The following OLFML1 variants were observed in gnomAD, a reference collection of about 807,000 sequenced individuals.
The protein encoded by OLFML1 is olfactomedin like 1.
Under a neutral mutation model 37.3 loss-of-function variants are expected in OLFML1, and 33 were observed. That is an observed-to-expected ratio of 0.88 (90% CI 0.67 to 1.18). The LOEUF (loss-of-function observed/expected upper bound fraction) is 1.18, where lower values mean the gene tolerates loss of function less well. OLFML1 is among the 50% of genes most tolerant of loss of function. OLFML1 has a pLI of 0.00. For synonymous variants in OLFML1, 186 were observed against 181.3 expected (o/e 1.03, Z -0.21); for missense variants, 545 against 483.7 (o/e 1.13, Z -1.19).
chr11:7,508,801 C>G (rs1273423717), intron 2 of OLFML1, among the ~76,000 whole-genome samples: 3 of 152,180 alleles, frequency 2.0e-5, no homozygotes, highest in Non-Finnish European at 2.9e-5. Flanking sequence ...ATCCTCAATA[C>G]TTAGCACCAT....
rs1347820301 is a variant in OLFML1 at position 7,511,135 on chromosome 11, C to T, written c.*947C>T. On this transcript the variant is annotated 3_prime_UTR_variant, in exon 3 of 3. Transcript: ENST00000329293. ...CTACTCTTATAGTCAATGCGTTCAT[C>T]GTTTCAGCCTAAAAATAATAGTCTG... The T allele has an allele frequency of 2.0e-5, 3 of 152,216 alleles. No individual in the cohort carries two copies. Among genetic ancestry groups the T allele is most frequent in the South Asian group, 2.1e-4 (1 of 4,832 alleles). The allele number at this position is 152,216 out of a possible 1,614,324, so 9.4% of individuals were successfully genotyped here. A position where few individuals can be genotyped will look rare whatever the true frequency, so the allele number is the denominator to read the frequency against.
At position 7,488,294 on chromosome 11, in the gene OLFML1, T is replaced by C. The variant is rs1010012484; in HGVS notation, c.297T>C (p.Ile99=). 1 of 1,613,958 alleles carries C rather than the reference T, an allele frequency of 6.2e-7. No homozygotes were observed. The highest frequency in any genetic ancestry group is 1.3e-5 in the African/African-American group (1 of 74,890). Reference sequence around the variant, plus strand: ...GAGTTGAACGTGCCCAACGGGAGATTGACTACATACAATACCTTCGAGAGG... The same window carrying C: ...GAGTTGAACGTGCCCAACGGGAGATCGACTACATACAATACCTTCGAGAGG... ...ALRVERAQRE[I]DYIQYLREAD... The change falls in exon 2 of 3, where the codon ATT becomes ATC. Residue 99 remains isoleucine (I), a synonymous_variant. Transcript: ENST00000329293.
intron 2 of OLFML1, among the ~76,000 whole-genome samples, chr11:7,500,813 T>C (rs1057304319): frequency 6.6e-6 from 1 of 151,622 alleles, no homozygotes; most frequent in African/African-American, 2.4e-5. Context: ...GCCAGGAGGA[T>C]TGGTTGAGGC....
chr11:7,492,111 CA>C (rs1221173229), intron 2 of OLFML1, among the ~76,000 whole-genome samples: 2 of 152,148 alleles, frequency 1.3e-5, no homozygotes, highest in Admixed American at 6.5e-5. Flanking sequence ...GCATGTACAC[CA>C]GGGGGTAAAA....
At chr11:7,505,583 C>G (rs370372295) in intron 2 of OLFML1, among the ~76,000 whole-genome samples, 200 of 152,280 alleles carry the variant, frequency 1.3e-3, no homozygotes, top group African/African-American at 4.5e-3. Flanking sequence ...ATAATCCTAG[C>G]ACTTTGGGAG....
At chr11:7,504,582 G>C (rs1006789232) in intron 2 of OLFML1, among the ~76,000 whole-genome samples, 2 of 152,186 alleles carry the variant, frequency 1.3e-5, no homozygotes, top group African/African-American at 4.8e-5. Context: ...CCAGGCAGGA[G>C]ATGATGTAGT....
intron 2 of OLFML1, among the ~76,000 whole-genome samples, chr11:7,505,205 C>T (rs752030217): frequency 7.9e-5 from 12 of 151,456 alleles, no homozygotes; most frequent in Non-Finnish European, 1.5e-4. Flanking sequence ...CAGTGCTGGG[C>T]TTACAGGTGT....
intron 2 of OLFML1, among the ~76,000 whole-genome samples, chr11:7,503,732 G>A (rs540956002): frequency 1.3e-5 from 2 of 152,314 alleles, no homozygotes; most frequent in Non-Finnish European, 2.9e-5. Flanking sequence ...GTAGGAAAGG[G>A]AAGATAATTT....
At position 7,488,398 on chromosome 11, in the gene OLFML1, G is replaced by A. The variant is rs532406645; in HGVS notation, c.401G>A (p.Arg134Gln). Residue 134 changes from arginine to glutamine, a missense_variant, in exon 2 of 3, where the codon CGG becomes CAG. Transcript: ENST00000329293. ...GAAGCTGAAGAAGAGAAAAAGATCC[G>A]GACTCTGCTGAATGCAAGTAAGAAA... ...LQEAEEEKKIRTLLNASCDNM... is the reference protein window; with the variant it reads ...LQEAEEEKKIQTLLNASCDNM... 60 of 1,612,886 alleles carry A rather than the reference G, an allele frequency of 3.7e-5. No individual in the cohort carries two copies. The highest frequency in any genetic ancestry group is 1.0e-4 in the Admixed American group (6 of 59,828).
At chr11:7,500,445 G>A (rs1477360289) in intron 2 of OLFML1, among the ~76,000 whole-genome samples, 2 of 152,020 alleles carry the variant, frequency 1.3e-5, no homozygotes, top group East Asian at 1.9e-4. Context: ...ATACATACAC[G>A]TCACCATGCC....
intron 2 of OLFML1, among the ~76,000 whole-genome samples, chr11:7,503,972 T>C (rs997760267): frequency 3.3e-5 from 5 of 152,156 alleles, no homozygotes; most frequent in African/African-American, 4.8e-5. Flanking sequence ...TATACCCTCA[T>C]GGAGTTTATA....
At chr11:7,502,333 G>A (rs987008567) in intron 2 of OLFML1, among the ~76,000 whole-genome samples, 20 of 152,220 alleles carry the variant, frequency 1.3e-4, no homozygotes, top group African/African-American at 4.3e-4. Context: ...TTAGGCCAAG[G>A]GTTTAGGATT....
At position 7,510,131 on chromosome 11, in the gene OLFML1, T is replaced by C. The variant is rs1476677694; in HGVS notation, c.1152T>C (p.Asn384=). The change falls in exon 3 of 3, where the codon AAT becomes AAC. Residue 384 remains asparagine (N), a synonymous_variant. Coordinates refer to ENST00000329293, the MANE Select transcript of OLFML1 (RefSeq NM_198474.4). ...NPRDKQLYAW[N]EGNQIIYKLQ... is the part of the protein sequence containing the mutation. ...GAGATAAGCAGCTCTATGCCTGGAA[T>C]GAAGGAAACCAGATCATTTACAAAC... 7 of 1,613,774 alleles carry C rather than the reference T, an allele frequency of 4.3e-6. No homozygotes were observed. Among genetic ancestry groups the C allele is most frequent in the Non-Finnish European group, 5.1e-6 (6 of 1,180,028 alleles).
intron 2 of OLFML1, among the ~76,000 whole-genome samples, chr11:7,500,497 C>G (rs1157957466): frequency 6.6e-6 from 1 of 152,194 alleles, no homozygotes; most frequent in East Asian, 1.9e-4. Context: ...TGCCTCCCAG[C>G]TCAGACTGAG....
At position 7,485,802 on chromosome 11, in the gene OLFML1, C is replaced by G; in HGVS notation, c.-74C>G. On this transcript the variant is annotated 5_prime_UTR_variant, in exon 1 of 3. Coordinates refer to ENST00000329293, the MANE Select transcript of OLFML1 (RefSeq NM_198474.4). ...CACAGCAGCGGATAGAGCAGGAGAG[C>G]ACCACCGGAGCCCTTGAGACATCCT... is the stretch of plus-strand genomic sequence containing the variant. 1 of 1,477,114 alleles carries G rather than the reference C, an allele frequency of 6.8e-7. No individual in the cohort carries two copies. Among genetic ancestry groups the G allele is most frequent in the South Asian group, 1.2e-5 (1 of 81,576 alleles). The allele number at this position is 1,477,114 out of a possible 1,614,324, so 91.5% of individuals were successfully genotyped here. A position where few individuals can be genotyped will look rare whatever the true frequency, so the allele number is the denominator to read the frequency against.
At chr11:7,498,844 C>T (rs190954024) in intron 2 of OLFML1, among the ~76,000 whole-genome samples, 43 of 152,254 alleles carry the variant, frequency 2.8e-4, no homozygotes, top group Admixed American at 9.2e-4. Context: ...CAGCTGGTTC[C>T]CTCAATTGAA....
At position 7,488,259 on chromosome 11, in the gene OLFML1, T is replaced by A. The variant is rs768937606; in HGVS notation, c.262T>A (p.Leu88Met). 5 of 1,614,016 alleles carry A rather than the reference T, an allele frequency of 3.1e-6. No individual in the cohort carries two copies. The South Asian group carries it at 4.4e-5, about 14-fold the overall frequency. ...TGAGTACAAGAGTGCAGTGGGTAACTTGGCACTGAGAGTTGAACGTGCCCA... is the reference window on the plus strand; with the variant it reads ...TGAGTACAAGAGTGCAGTGGGTAACATGGCACTGAGAGTTGAACGTGCCCA... ...TSEYKSAVGNLALRVERAQRE... is the reference protein window; with the variant it reads ...TSEYKSAVGNMALRVERAQRE... The change falls in exon 2 of 3, where the codon TTG becomes ATG. Residue 88 changes from leucine to methionine, a missense_variant. Physicochemically the swap from Leu to Met is conservative, Grantham distance 15. Transcript: ENST00000329293.
chr11:7,494,452 C>A (rs189111789), intron 2 of OLFML1, among the ~76,000 whole-genome samples: 2 of 152,336 alleles, frequency 1.3e-5, no homozygotes, highest in African/African-American at 2.4e-5. Flanking sequence ...GAGATAGGTA[C>A]TGTATATTAT....
chr11:7,486,259 TA>T (rs1383997414), intron 1 of OLFML1, among the ~76,000 whole-genome samples: 1 of 152,218 alleles, frequency 6.6e-6, no homozygotes, highest in Non-Finnish European at 1.5e-5. Flanking sequence ...AAAATGGGGA[TA>T]ATAGTAGAAT....
Sources: gnomAD v4.1 joint callset for allele counts (sites outside exome capture counted in the v4.1 genomes callset) on GRCh38, gnomAD v4.1.1 for gene constraint, MANE v1.5 for transcripts, NCBI Gene and HGNC (gene_info 2026-07-23, HGNC 2026-07-21) for gene names.